ROR2: variants seen among roughly 807,000 people sequenced by gnomAD.
The protein encoded by ROR2 is tyrosine-protein kinase transmembrane receptor ROR2.
ROR2 carries 33 observed loss-of-function variants against 74.9 expected under a neutral mutation model. That is an observed-to-expected ratio of 0.44 (90% confidence interval 0.33 to 0.59). The LOEUF (loss-of-function observed/expected upper bound fraction) is 0.59, where lower values mean the gene tolerates loss of function less well. ROR2 is among the 20% of genes least tolerant of loss of function. The pLI, the probability that ROR2 is intolerant of heterozygous loss-of-function variation, is 0.02. For missense variants in ROR2, 1,216 were observed against 1,313.8 expected, an observed-to-expected ratio of 0.93 and a Z score of 1.15; for synonymous variants, 586 against 558.7, an observed-to-expected ratio of 1.05 and a Z score of -0.69.
chr9:91,852,867 G>C (rs1270556698), intron 1 of ROR2, among the ~76,000 whole-genome samples: 1 of 152,228 alleles, frequency 6.6e-6, no homozygotes, highest in African/African-American at 2.4e-5. Context: ...GGAGATTTCT[G>C]ACCTTCCCAC....
intron 1 of ROR2, among the ~76,000 whole-genome samples, chr9:91,888,990 G>A (rs1190541256): frequency 6.7e-6 from 1 of 149,938 alleles, no homozygotes; most frequent in African/African-American, 2.5e-5. Context: ...CTTTCTAACT[G>A]ACTCTGAACA....
chr9:91,818,850 A>G (rs568176768), intron 1 of ROR2, among the ~76,000 whole-genome samples: 2 of 151,354 alleles, frequency 1.3e-5, no homozygotes, highest in African/African-American at 4.9e-5. Context: ...CACCAACTCA[A>G]CTCCCTCCCA....
At chr9:91,771,279 C>CTG (rs1826219289) in intron 2 of ROR2, among the ~76,000 whole-genome samples, 1 of 152,196 alleles carries the variant, frequency 6.6e-6, no homozygotes, top group South Asian at 2.1e-4. Context: ...ACGGGCGAGC[C>CTG]CACATCACCC....
chr9:91,909,838 G>GTTTTTTTTTTTTTTTTT (rs1278227036), intron 1 of ROR2, among the ~76,000 whole-genome samples: 1 of 63,196 alleles, frequency 1.6e-5, no homozygotes, highest in African/African-American at 6.5e-5. Flanking sequence ...TTTTTTTTAG[G>GTTTTTTTTTTTTTTTTT]TTTGTTTTGT....
At chr9:91,906,146 C>A (rs1564030479) in intron 1 of ROR2, among the ~76,000 whole-genome samples, 1 of 152,110 alleles carries the variant, frequency 6.6e-6, no homozygotes, top group Non-Finnish European at 1.5e-5. Flanking sequence ...AGGCTGTGAC[C>A]ACAACTCCGC....
chr9:91,859,197 C>CCTT (rs1829392758), intron 1 of ROR2, among the ~76,000 whole-genome samples: 1 of 121,330 alleles, frequency 8.2e-6, no homozygotes, highest in African/African-American at 3.6e-5. Flanking sequence ...GAAAGTATTC[C>CCTT]TTTTTTTTTT....
intron 1 of ROR2, among the ~76,000 whole-genome samples, chr9:91,941,853 C>T (rs535762155): frequency 1.3e-4 from 20 of 151,478 alleles, no homozygotes; most frequent in African/African-American, 2.4e-4. Context: ...TGTAGTGGCA[C>T]GATCTCGGCT....
chr9:91,805,036 A>C (rs186147034), intron 1 of ROR2, among the ~76,000 whole-genome samples: 236 of 152,342 alleles, frequency 1.5e-3, no homozygotes, highest in African/African-American at 5.5e-3. Flanking sequence ...TGGTAGGACG[A>C]AAGTAGTATT....
intron 8 of ROR2, among the ~76,000 whole-genome samples, 185 bp downstream of exon 8, chr9:91,726,356 T>C (rs571836565): frequency 6.6e-5 from 10 of 152,242 alleles, no homozygotes; most frequent in South Asian, 2.1e-4. Context: ...CGCCTGCCAT[T>C]TATTTTCTAA....
intron 1 of ROR2, among the ~76,000 whole-genome samples, chr9:91,831,214 T>C (rs930342184): frequency 4.0e-5 from 6 of 151,450 alleles, no homozygotes; most frequent in Non-Finnish European, 8.8e-5. Context: ...TGAGCCGAGA[T>C]TGCACCACTG....
intron 1 of ROR2, among the ~76,000 whole-genome samples, chr9:91,865,604 T>C (rs996408984): frequency 2.0e-5 from 3 of 152,218 alleles, no homozygotes; most frequent in African/African-American, 7.2e-5. Flanking sequence ...CCTTTGTCAT[T>C]CCTTTAAAAA....
intron 2 of ROR2, among the ~76,000 whole-genome samples, chr9:91,764,589 A>ACACACACACACACAC (rs1564260353): frequency 6.9e-6 from 1 of 145,392 alleles, no homozygotes; most frequent in Non-Finnish European, 1.5e-5. Flanking sequence ...CACACACACC[A>ACACACACACACACAC]CACACATTGA....
At chr9:91,840,924 T>C (rs1828764144) in intron 1 of ROR2, among the ~76,000 whole-genome samples, 1 of 152,262 alleles carries the variant, frequency 6.6e-6, no homozygotes, top group Non-Finnish European at 1.5e-5. Flanking sequence ...GAGACCATTA[T>C]AGATGTGTGG....
intron 5 of ROR2, among the ~76,000 whole-genome samples, chr9:91,736,122 G>A (rs1019098100): frequency 3.9e-5 from 6 of 152,188 alleles, no homozygotes; most frequent in Admixed American, 6.5e-5. Context: ...GGCAAAGAAA[G>A]CTTTTGCAGT....
At chr9:91,814,434 TGAGACAGGCTCCGGAGG>T (rs1026922791) in intron 1 of ROR2, among the ~76,000 whole-genome samples, 2 of 151,888 alleles carry the variant, frequency 1.3e-5, no homozygotes, top group Non-Finnish European at 2.9e-5. Flanking sequence ...ATCATTCAGG[TGAGACAGGCTCCGGAGG>T]GCCCTGGCAT....
intron 1 of ROR2, among the ~76,000 whole-genome samples, chr9:91,936,748 C>A (rs964860468): frequency 1.3e-5 from 2 of 152,142 alleles, no homozygotes; most frequent in South Asian, 4.2e-4. Flanking sequence ...TTCCCATCTT[C>A]GGCCGGGCGC....
At chr9:91,915,569 T>C (rs907261618) in intron 1 of ROR2, among the ~76,000 whole-genome samples, 1 of 151,992 alleles carries the variant, frequency 6.6e-6, no homozygotes, top group African/African-American at 2.4e-5. Context: ...GCAAGATTTA[T>C]TGTGAAGAGC....
At chr9:91,847,230 C>G (rs1828960036) in intron 1 of ROR2, among the ~76,000 whole-genome samples, 1 of 152,156 alleles carries the variant, frequency 6.6e-6, no homozygotes, top group Non-Finnish European at 1.5e-5. Context: ...CACAGACAGA[C>G]TTAGAACCAG....
Position 91,723,440 on chromosome 9 carries a change from G to A in ROR2, c.*222C>T, listed in dbSNP as rs912282803. ...CATGTGTCCTGCTCCCCAGGACGCCGTGCTGCCAGACCCCCTGCCTGGCTT... is the reference window on the plus strand; with the variant it reads ...CATGTGTCCTGCTCCCCAGGACGCCATGCTGCCAGACCCCCTGCCTGGCTT... On this transcript the variant is annotated 3_prime_UTR_variant, in exon 9 of 9. Coordinates refer to ENST00000375708, the MANE Select transcript of ROR2 (RefSeq NM_004560.4). The A allele has an allele frequency of 4.9e-5, 31 of 633,022 alleles. No individual in the cohort carries two copies. The highest frequency in any genetic ancestry group is 1.7e-4 in the African/African-American group (9 of 54,502). 39.2% of individuals were successfully genotyped at this position (633,022 alleles called of 1,614,324 possible). A position where few individuals can be genotyped will look rare whatever the true frequency, so the allele number is the denominator to read the frequency against.
Sources: gnomAD v4.1 joint callset for allele counts (sites outside exome capture counted in the v4.1 genomes callset) on GRCh38, gnomAD v4.1.1 for gene constraint, MANE v1.5 for transcripts, NCBI Gene and HGNC (gene_info 2026-07-23, HGNC 2026-07-21) for gene names.